The following AVEN variants were observed in gnomAD, a reference collection of about 807,000 sequenced individuals.
AVEN encodes the protein apoptosis and caspase activation inhibitor.
A neutral mutation model predicts 38.1 loss-of-function variants in AVEN; 41 were observed. The observed-to-expected ratio is 1.08, with a 90% CI of 0.84 to 1.40. The LOEUF (loss-of-function observed/expected upper bound fraction) is 1.40, where lower values mean the gene tolerates loss of function less well. AVEN is among the 40% of genes most tolerant of loss of function. The probability of loss-of-function intolerance (pLI) is 0.00; values close to 1 mark genes in which losing one functional copy is unlikely to be tolerated. For synonymous variants in AVEN, 206 were observed against 171.8 expected (o/e 1.20, Z -1.56); for missense variants, 605 against 438.8 (o/e 1.38, Z -3.38).
chr15:33,861,104 C>T (rs1158523988), intron 11 of AVEN: 1 of 1,594,808 alleles, frequency 6.3e-7, no homozygotes, highest in East Asian at 2.2e-5. Flanking sequence ...GTGGGATTGG[C>T]AATGACTACT....
chr15:33,862,748 C>G (rs981910653), downstream of AVEN, among the ~76,000 whole-genome samples: 1 of 152,008 alleles, frequency 6.6e-6, no homozygotes, highest in African/African-American at 2.4e-5. Flanking sequence ...GTAGCTGGGA[C>G]TACAGGCACC....
chr15:33,977,679 G>C (rs2140513405), intron 2 of AVEN, among the ~76,000 whole-genome samples: 1 of 152,266 alleles, frequency 6.6e-6, no homozygotes, highest in South Asian at 2.1e-4. Flanking sequence ...ATTTCTACAA[G>C]TGAAGAATCA....
At chr15:33,942,665 A>G (rs910040233) in intron 2 of AVEN, among the ~76,000 whole-genome samples, 1 of 152,026 alleles carries the variant, frequency 6.6e-6, no homozygotes, top group African/African-American at 2.4e-5. Flanking sequence ...GTTAGCCAGG[A>G]TGGTCTCGAT....
chr15:33,987,577 G>GA (rs1555513252), intron 2 of AVEN, among the ~76,000 whole-genome samples: 9 of 152,126 alleles, frequency 5.9e-5, no homozygotes, highest in Non-Finnish European at 1.2e-4. Context: ...GCGAACAATG[G>GA]TTTTTTTCTC....
chr15:33,853,598 C>A, the AVEN span: 1 of 1,613,976 alleles, frequency 6.2e-7, no homozygotes, highest in Admixed American at 1.7e-5. Context: ...GAACGCATTG[C>A]TGAACTTCTG....
downstream of AVEN, chr15:33,864,202 G>C (rs369233619): frequency 1.1e-5 from 17 of 1,601,456 alleles, no homozygotes; most frequent in Non-Finnish European, 1.3e-5. Flanking sequence ...GAGAAATTAA[G>C]AATCATATAC....
chr15:33,868,763 T>C (rs1053335000), intron 4 of AVEN, among the ~76,000 whole-genome samples: 2 of 151,772 alleles, frequency 1.3e-5, no homozygotes, highest in African/African-American at 2.4e-5. Flanking sequence ...CGAGTGCCTT[T>C]TGGGGAGAGA....
chr15:33,954,034 A>G (rs892079507), intron 2 of AVEN, among the ~76,000 whole-genome samples: 5 of 152,266 alleles, frequency 3.3e-5, no homozygotes, highest in African/African-American at 1.2e-4. Flanking sequence ...TTATGCAGCC[A>G]ACAGACACAT....
chr15:34,062,382 C>T (rs896829815), intron 5 of AVEN, among the ~76,000 whole-genome samples: 4 of 151,860 alleles, frequency 2.6e-5, no homozygotes, highest in East Asian at 1.9e-4. Context: ...AGTGAAACCC[C>T]GTCTCTACTA....
At chr15:33,899,445 T>G in intron 2 of AVEN, among the ~76,000 whole-genome samples, 1 of 148,698 alleles carries the variant, frequency 6.7e-6, no homozygotes, top group South Asian at 2.1e-4. Context: ...TACATTTATT[T>G]GCTTCAGGGA....
At chr15:33,916,917 T>C (rs1214884134) in intron 2 of AVEN, among the ~76,000 whole-genome samples, 1 of 152,030 alleles carries the variant, frequency 6.6e-6, no homozygotes, top group African/African-American at 2.4e-5. Flanking sequence ...ACACCCTTCT[T>C]CACATCGCAG....
chr15:34,006,668 C>T lies in AVEN; in HGVS notation c.268-3459G>A, dbSNP rs1353309013. On this transcript the variant is annotated intron_variant, in intron 1 of 5. Transcript: ENST00000306730. ...TGTTTATAATAGGCTGATCCTTATG[C>T]ATATGAATAACTCACCAGTCCCCAA... Among the ~76,000 whole-genome samples, 3 of 152,168 alleles carry T rather than the reference C, an allele frequency of 2.0e-5. No individual in the cohort carries two copies. The East Asian group carries it at 5.8e-4, about 29-fold the overall frequency.
At chr15:33,965,149 A>T (rs1404173311) in intron 2 of AVEN, among the ~76,000 whole-genome samples, 6 of 152,226 alleles carry the variant, frequency 3.9e-5, no homozygotes, top group Non-Finnish European at 1.5e-5. Flanking sequence ...CCAAGTAAGG[A>T]GTCAATAAAT....
chr15:33,896,838 C>T (rs1322078963), intron 2 of AVEN, among the ~76,000 whole-genome samples: 1 of 152,202 alleles, frequency 6.6e-6, no homozygotes, highest in Non-Finnish European at 1.5e-5. Flanking sequence ...GATACCATCA[C>T]AACACTTATG....
intron 3 of AVEN, 25 bp from the exon 4 acceptor site, chr15:33,871,055 A>G (rs1256522408): frequency 7.6e-7 from 1 of 1,314,146 alleles, no homozygotes; most frequent in South Asian, 2.0e-5. Flanking sequence ...AAAAGAAAAT[A>G]AAATATCAGG....
At chr15:34,062,331 G>A (rs532579911) in intron 5 of AVEN, among the ~76,000 whole-genome samples, 6 of 152,190 alleles carry the variant, frequency 3.9e-5, no homozygotes, top group African/African-American at 1.2e-4. Context: ...CGAGGCGGGT[G>A]GATCACGAAG....
At chr15:34,036,907 C>T (rs541388485) in intron 1 of AVEN, among the ~76,000 whole-genome samples, 4 of 152,108 alleles carry the variant, frequency 2.6e-5, no homozygotes, top group East Asian at 1.9e-4. Flanking sequence ...GTCAGGAGTT[C>T]GAGACCAGCC....
chr15:34,000,079 A>G (rs1897080550), intron 2 of AVEN, among the ~76,000 whole-genome samples: 1 of 152,032 alleles, frequency 6.6e-6, no homozygotes, highest in Admixed American at 6.6e-5. Context: ...TTTGCCTGGG[A>G]CACTTTTCCC....
At chr15:34,041,562 G>A (rs959610646), upstream of AVEN, among the ~76,000 whole-genome samples, 8 of 152,108 alleles carry the variant, frequency 5.3e-5, no homozygotes, top group African/African-American at 1.9e-4. Context: ...TGTTATTAGG[G>A]CACATTCACT....
Sources: allele counts gnomAD v4.1 joint callset (sites outside exome capture counted in the v4.1 genomes callset), GRCh38; gene constraint gnomAD v4.1.1; transcripts MANE v1.5; gene names NCBI Gene and HGNC (gene_info 2026-07-23, HGNC 2026-07-21).